SORCS1: variants seen among roughly 807,000 people sequenced by gnomAD.
SORCS1 encodes the protein sortilin related VPS10 domain containing receptor 1.
In SORCS1, 60 loss-of-function variants were observed where a neutral mutation model predicts 146.1. That is an observed-to-expected ratio of 0.41 (90% CI 0.33 to 0.51). SORCS1 has a LOEUF of 0.51. SORCS1 is among the 20% of genes least tolerant of loss of function. The probability of loss-of-function intolerance (pLI) is 0.21; values close to 1 mark genes in which losing one functional copy is unlikely to be tolerated. For missense variants in SORCS1, 1,352 were observed against 1,487.6 expected (o/e 0.91, Z 1.50); for synonymous variants, 637 against 584.0 (o/e 1.09, Z -1.31).
chr10:106,712,637 T>G (rs1855083464), intron 6 of SORCS1, among the ~76,000 whole-genome samples: 2 of 152,210 alleles, frequency 1.3e-5, no homozygotes, highest in African/African-American at 4.8e-5. Flanking sequence ...ATGCTAAATG[T>G]TTTGAAACTC....
rs1954238212 is a variant in SORCS1, at chr10:106,944,871, CTTCTTTTTTTTTT to C, written c.626+11629_626+11641del. 2.9e-4 allele frequency among the ~76,000 whole-genome samples: 18 copies of C among 61,024 alleles called. 1 individual carries two copies. Among genetic ancestry groups the C allele is most frequent in the East Asian group, 7.9e-4 (2 of 2,536 alleles). 40.0% of individuals were successfully genotyped at this position (61,024 alleles called of 152,430 possible). A position where few individuals can be genotyped will look rare whatever the true frequency, so the allele number is the denominator to read the frequency against. On this transcript the variant is annotated intron_variant, in intron 2 of 25. Transcript: ENST00000263054. ...ATGGTAGAAAGAAGCAAGAAAGAGC[CTTCTTTTTTTTTT>C]TTTTTTTTTTTTTTTTTTGGAGATG...
chr10:106,607,871 C>T (rs1428252357), intron 22 of SORCS1, among the ~76,000 whole-genome samples: 2 of 152,198 alleles, frequency 1.3e-5, no homozygotes, highest in Non-Finnish European at 2.9e-5. Flanking sequence ...TATCACAACC[C>T]TCAGGAGGCC....
At chr10:106,656,528 A>C (rs901494222) in intron 17 of SORCS1, among the ~76,000 whole-genome samples, 3 of 152,136 alleles carry the variant, frequency 2.0e-5, no homozygotes, top group Non-Finnish European at 2.9e-5. Flanking sequence ...TGCACTCCCG[A>C]GCGAGATTCT....
chr10:107,076,842 T>C (rs1165810669), intron 1 of SORCS1, among the ~76,000 whole-genome samples: 1 of 152,182 alleles, frequency 6.6e-6, no homozygotes, highest in Non-Finnish European at 1.5e-5. Flanking sequence ...TTTACAATGT[T>C]GTAGGAGGAG....
chr10:106,634,580 G>T (rs1293350960), intron 18 of SORCS1, among the ~76,000 whole-genome samples: 1 of 152,080 alleles, frequency 6.6e-6, no homozygotes, highest in Non-Finnish European at 1.5e-5. Context: ...GAAATTACTC[G>T]CAATATTTCT....
At chr10:106,627,271 T>C (rs1019261763) in intron 19 of SORCS1, among the ~76,000 whole-genome samples, 1 of 152,136 alleles carries the variant, frequency 6.6e-6, no homozygotes, top group Non-Finnish European at 1.5e-5. Context: ...AAAATTTAGA[T>C]CAGAAGCTGA....
chr10:106,972,120 G>A (rs779397730), intron 1 of SORCS1, among the ~76,000 whole-genome samples: 11 of 152,006 alleles, frequency 7.2e-5, no homozygotes, highest in African/African-American at 1.2e-4. Flanking sequence ...AATCAATCAC[G>A]CCTGTAATCC....
At chr10:107,076,033 T>C (rs112915028) in intron 1 of SORCS1, among the ~76,000 whole-genome samples, 231 of 152,264 alleles carry the variant, frequency 1.5e-3, no homozygotes, top group African/African-American at 3.9e-3. Flanking sequence ...AGCTACTAAT[T>C]AAGTGACTTT....
At chr10:107,001,675 G>T (rs1957230349) in intron 1 of SORCS1, among the ~76,000 whole-genome samples, 4 of 152,166 alleles carry the variant, frequency 2.6e-5, no homozygotes, top group Admixed American at 2.6e-4. Flanking sequence ...TGTTGGCCAG[G>T]CTGGTCTGGA....
intron 3 of SORCS1, among the ~76,000 whole-genome samples, chr10:106,777,762 C>T (rs529477514): frequency 6.6e-6 from 1 of 152,310 alleles, no homozygotes; most frequent in South Asian, 2.1e-4. Context: ...TAAATTACTT[C>T]ATTCCCAACT....
intron 1 of SORCS1, among the ~76,000 whole-genome samples, chr10:107,115,598 C>G (rs1965983668): frequency 6.6e-6 from 1 of 151,934 alleles, no homozygotes; most frequent in African/African-American, 2.4e-5. Context: ...AAAATTAACT[C>G]AAAATGGATT....
intron 10 of SORCS1, among the ~76,000 whole-genome samples, chr10:106,687,974 T>C (rs937729147): frequency 2.0e-5 from 3 of 152,210 alleles, no homozygotes; most frequent in African/African-American, 7.2e-5. Flanking sequence ...ACAAGGATCC[T>C]GGAAGGGCAC....
chr10:106,644,851 T>C (rs1849308416), intron 18 of SORCS1, among the ~76,000 whole-genome samples: 1 of 152,224 alleles, frequency 6.6e-6, no homozygotes, highest in Non-Finnish European at 1.5e-5. Flanking sequence ...AAATATACTG[T>C]AGTTTATGTA....
intron 1 of SORCS1, among the ~76,000 whole-genome samples, chr10:107,162,151 T>C (rs1245342897): frequency 1.3e-5 from 2 of 152,222 alleles, no homozygotes; most frequent in East Asian, 3.8e-4. Context: ...AAAGATGTAT[T>C]CTACTTTTCT....
rs562929331 is a variant in SORCS1, at chr10:106,591,886, A to C, written c.3265+5465T>G. Among the ~76,000 whole-genome samples, 392 of 152,286 alleles carry C rather than the reference A, an allele frequency of 2.6e-3. 1 individual carries two copies. Among genetic ancestry groups the C allele is most frequent in the South Asian group, 0.014 (68 of 4,826 alleles). ...GAGAAATAGGTGAAGAAGTGGGGAG[A>C]AATATTCCAATCTGGAATATCATGA... On this transcript the variant is annotated intron_variant, in intron 24 of 25. Coordinates refer to ENST00000263054, the MANE Select transcript of SORCS1 (RefSeq NM_052918.5).
At chr10:107,123,549 T>C (rs897470558) in intron 1 of SORCS1, among the ~76,000 whole-genome samples, 4 of 152,190 alleles carry the variant, frequency 2.6e-5, no homozygotes, top group Non-Finnish European at 5.9e-5. Context: ...GCTGCAAATA[T>C]AAACAAGAAA....
At chr10:107,163,939 C>A (rs753294789) in intron 1 of SORCS1, 30 bp downstream of exon 1, 1 of 1,589,174 alleles carries the variant, frequency 6.3e-7, no homozygotes, top group Non-Finnish European at 8.6e-7. Flanking sequence ...CATCTTTCCA[C>A]CCCTTTACCC....
intron 6 of SORCS1, among the ~76,000 whole-genome samples, chr10:106,718,525 C>T (rs1855545152): frequency 6.6e-6 from 1 of 152,144 alleles, no homozygotes; most frequent in African/African-American, 2.4e-5. Flanking sequence ...AACCTTCGCG[C>T]TGTTACAGCT....
At chr10:107,047,969 G>C (rs1959671861) in intron 1 of SORCS1, among the ~76,000 whole-genome samples, 1 of 151,956 alleles carries the variant, frequency 6.6e-6, no homozygotes, top group Admixed American at 6.6e-5. Flanking sequence ...TGTAGTCCCA[G>C]CTATTCAGGA....
Sources: allele counts gnomAD v4.1 joint callset (sites outside exome capture counted in the v4.1 genomes callset), GRCh38; gene constraint gnomAD v4.1.1; transcripts MANE v1.5; gene names NCBI Gene and HGNC (gene_info 2026-07-23, HGNC 2026-07-21).